Variants in XKR9 observed in about 807,000 individuals in gnomAD.
XKR9 encodes XK related 9, also known as XK-related protein 9.
Under a neutral mutation model 32.0 loss-of-function variants are expected in XKR9, and 32 were observed. That is an observed-to-expected ratio of 1.00 (90% CI 0.76 to 1.34). The LOEUF (loss-of-function observed/expected upper bound fraction) is 1.34. XKR9 is among the 40% of genes most tolerant of loss of function. The pLI is 0.00. For synonymous variants in XKR9, 168 were observed against 143.4 expected (o/e 1.17, Z -1.22); for missense variants, 546 against 429.7 (o/e 1.27, Z -2.39).
At chr8:70,815,553 T>G in the XKR9 span, among the ~76,000 whole-genome samples, 1 of 82,940 alleles carries the variant, frequency 1.2e-5, no homozygotes, top group Non-Finnish European at 2.7e-5. Context: ...TGAGATGGAG[T>G]CTCACTCTGT....
chr8:70,678,046 C>T (rs1480672147), intron 2 of XKR9: 2 of 152,132 alleles, frequency 1.3e-5, no homozygotes, highest in Admixed American at 6.6e-5. Context: ...AAATCTAGTG[C>T]ATTAGACTTT....
the XKR9 span, among the ~76,000 whole-genome samples, chr8:70,924,334 A>G: frequency 1.3e-5 from 2 of 152,228 alleles, no homozygotes; most frequent in East Asian, 3.9e-4. Flanking sequence ...AGCTCAGTCC[A>G]CTTTCTAAAA....
chr8:71,045,896 G>A, the XKR9 span, among the ~76,000 whole-genome samples: 1 of 152,168 alleles, frequency 6.6e-6, no homozygotes, highest in African/African-American at 2.4e-5. Flanking sequence ...CCCAGTAGCT[G>A]CAGAAGGAAA....
the XKR9 span, among the ~76,000 whole-genome samples, chr8:70,872,274 TCCCTTAAGCCAAAG>T: frequency 2.6e-5 from 4 of 152,112 alleles, no homozygotes; most frequent in Non-Finnish European, 5.9e-5. Flanking sequence ...GCCACAACAT[TCCCTTAAGCCAAAG>T]CCCAGCCCAG....
chr8:70,829,105 G>C, the XKR9 span, among the ~76,000 whole-genome samples: 5 of 152,154 alleles, frequency 3.3e-5, no homozygotes, highest in Non-Finnish European at 5.9e-5. Flanking sequence ...TTTTGTTGCA[G>C]TTTATCTTTT....
chr8:70,842,344 A>G, the XKR9 span, among the ~76,000 whole-genome samples: 32 of 152,158 alleles, frequency 2.1e-4, no homozygotes, highest in Non-Finnish European at 4.3e-4. Context: ...TATTAGGCTA[A>G]TCTTCTACTT....
rs76902247 is a variant in XKR9, at chr8:70,752,483, G to C, written n.353-36856G>C. ...GTGCAGAGACCAAACACGAGAGGCA[G>C]CCTCACTTTACAGTCCACTCTCATG... On this transcript the variant is annotated intron_variant and non_coding_transcript_variant, in intron 2 of 3. Coordinates refer to the XKR9 transcript ENST00000520273. 1.0e-3 allele frequency among the ~76,000 whole-genome samples: 156 copies of C among 152,234 alleles called. 3 individuals carry two copies. The East Asian group carries it at 0.029, about 28-fold the overall frequency.
At chr8:70,780,345 C>T (rs1807596932) in intron 2 of XKR9, among the ~76,000 whole-genome samples, 1 of 151,570 alleles carries the variant, frequency 6.6e-6, no homozygotes, top group Non-Finnish European at 1.5e-5. Flanking sequence ...AACATTTATT[C>T]TTTTCTAATA....
chr8:70,778,199 AG>A (rs1807560364), intron 2 of XKR9, among the ~76,000 whole-genome samples: 2 of 152,344 alleles, frequency 1.3e-5, no homozygotes, highest in East Asian at 3.9e-4. Context: ...TTTATTAAAT[AG>A]GGAATCCTTT....
chr8:70,823,725 C>T, the XKR9 span, among the ~76,000 whole-genome samples: 127 of 152,098 alleles, frequency 8.3e-4, no homozygotes, highest in African/African-American at 2.9e-3. Context: ...CATATCTCAA[C>T]GAGGTGAGTT....
the XKR9 span, among the ~76,000 whole-genome samples, chr8:70,967,707 C>T: frequency 1.3e-5 from 2 of 151,814 alleles, no homozygotes; most frequent in African/African-American, 2.4e-5. Flanking sequence ...TTGGTTTGGC[C>T]GGATGTGAAA....
chr8:70,736,387 G>A (rs539113877), downstream of XKR9, among the ~76,000 whole-genome samples: 353 of 152,112 alleles, frequency 2.3e-3, 2 homozygotes, highest in African/African-American at 8.1e-3. Flanking sequence ...AGATGAGTAG[G>A]TTGCGAACAT....
At chr8:70,931,477 A>G in the XKR9 span, among the ~76,000 whole-genome samples, 4 of 152,222 alleles carry the variant, frequency 2.6e-5, no homozygotes, top group Non-Finnish European at 2.9e-5. Flanking sequence ...GTGAGTAGCT[A>G]GTAACTAATG....
intron 3 of XKR9, chr8:70,683,399 C>T: frequency 5.9e-6 from 2 of 340,682 alleles, no homozygotes; most frequent in Non-Finnish European, 1.1e-5. Flanking sequence ...TAGTTAAATT[C>T]TACTGAATTT....
chr8:70,918,277 A>G, the XKR9 span, among the ~76,000 whole-genome samples: 1 of 152,220 alleles, frequency 6.6e-6, no homozygotes, highest in South Asian at 2.1e-4. Context: ...GAAGGAACCC[A>G]ACAAAGATGG....
the XKR9 span, among the ~76,000 whole-genome samples, chr8:70,806,706 C>A: frequency 6.6e-6 from 1 of 150,852 alleles, no homozygotes; most frequent in Non-Finnish European, 1.5e-5. Flanking sequence ...GGCATGCAGA[C>A]AAGACTAGAG....
chr8:70,773,065 A>C (rs977654841), intron 2 of XKR9, among the ~76,000 whole-genome samples: 1 of 152,226 alleles, frequency 6.6e-6, no homozygotes, highest in Non-Finnish European at 1.5e-5. Flanking sequence ...ATATTATATA[A>C]TCATACTGTA....
intron 2 of XKR9, among the ~76,000 whole-genome samples, chr8:70,779,730 A>G (rs1339256964): frequency 6.6e-6 from 1 of 151,632 alleles, no homozygotes; most frequent in Non-Finnish European, 1.5e-5. Context: ...GGATTTTGTA[A>G]TTTATTTGCT....
At chr8:71,064,808 T>G in the XKR9 span, among the ~76,000 whole-genome samples, 1 of 152,184 alleles carries the variant, frequency 6.6e-6, no homozygotes, top group African/African-American at 2.4e-5. Context: ...GGGAAAGAAT[T>G]GCAATATTAG....
Sources: gnomAD v4.1 joint callset for allele counts (sites outside exome capture counted in the v4.1 genomes callset) on GRCh38, gnomAD v4.1.1 for gene constraint, MANE v1.5 for transcripts, NCBI Gene and HGNC (gene_info 2026-07-23, HGNC 2026-07-21) for gene names.